Variants in THOC2 observed in about 807,000 individuals in gnomAD.
THOC2 encodes THO complex 2.
In THOC2, 10 loss-of-function variants were observed where a neutral mutation model predicts 128.4. The ratio of observed to expected loss-of-function variants is 0.08; its 90% CI spans 0.05 to 0.13. THOC2 has a LOEUF of 0.13. Among genes scored for constraint, THOC2 ranks in the 10% least tolerant of loss-of-function variants. THOC2 has a pLI of 1.00. For missense variants in THOC2, 535 were observed against 1,155.7 expected (o/e 0.46, Z 7.79); for synonymous variants, 393 against 396.9 (o/e 0.99, Z 0.12).
chrX:123,643,571 T>C (rs769018615), intron 15 of THOC2, among the ~76,000 whole-genome samples: 1 of 110,996 alleles, frequency 9.0e-6, no homozygotes, highest in East Asian at 2.8e-4. Context: ...GGAGAACTCT[T>C]AAGTCCAGAA....
intron 17 of THOC2, among the ~76,000 whole-genome samples, 165 bp downstream of exon 17, chrX:123,638,765 CACAT>C (rs1304246225): frequency 2.9e-5 from 3 of 105,069 alleles, no homozygotes; most frequent in African/African-American, 1.1e-4. Context: ...CTCTCTCTCT[CACAT>C]ACACACACAC....
Position 123,620,741 on chromosome X carries a change from GA to G in THOC2, c.4275+165del, listed in dbSNP as rs944674392. The G allele has an allele frequency of 2.9e-5, 12 of 415,278 alleles. 1 individual carries two copies. Among genetic ancestry groups the G allele is most frequent in the African/African-American group, 1.3e-4 (5 of 39,256 alleles). 34.2% of individuals were successfully genotyped at this position (415,278 alleles called of 1,213,427 possible). On this transcript the variant is annotated intron_variant, in intron 32 of 38. Coordinates refer to ENST00000245838, the MANE Select transcript of THOC2 (RefSeq NM_001081550.2). ...TTTTTATAATAAAAATACTCAATAG[GA>G]AAAAAAATCAGTCCACCAATATAGA... is the stretch of plus-strand genomic sequence containing the variant.
intron 23 of THOC2, among the ~76,000 whole-genome samples, 169 bp downstream of exon 23, chrX:123,627,524 C>T (rs2047312220): frequency 9.0e-6 from 1 of 111,619 alleles, no homozygotes; most frequent in Admixed American, 9.5e-5. Context: ...ACCTAGTCAC[C>T]AAACTCCTGG....
chrX:123,633,894 T>C (rs1361087164), intron 20 of THOC2, 59 bp downstream of exon 20: 2 of 710,577 alleles, frequency 2.8e-6, no homozygotes, highest in Non-Finnish European at 4.3e-6. Flanking sequence ...GATTCTTTAC[T>C]ATGACCGTGC....
chrX:123,660,947 G>GGT (rs1382825100), intron 12 of THOC2, among the ~76,000 whole-genome samples: 1 of 111,286 alleles, frequency 9.0e-6, no homozygotes, highest in African/African-American at 3.3e-5. Flanking sequence ...AAGAAAATGT[G>GGT]GTGTATATAT....
intron 12 of THOC2, among the ~76,000 whole-genome samples, chrX:123,649,398 C>T (rs2048266845): frequency 9.0e-6 from 1 of 111,279 alleles, no homozygotes. Context: ...TGCCTCCCCT[C>T]CTCCAAAGGA....
intron 6 of THOC2, 45 bp from the exon 7 acceptor site, chrX:123,696,199 T>C (rs1341518974): frequency 1.0e-6 from 1 of 954,428 alleles, no homozygotes. Flanking sequence ...TTAATTTTAA[T>C]TAACAAGCTT....
At chrX:123,660,952 A>AT (rs774871620) in intron 12 of THOC2, among the ~76,000 whole-genome samples, 2 of 112,144 alleles carry the variant, frequency 1.8e-5, no homozygotes, top group African/African-American at 6.5e-5. Flanking sequence ...AATGTGGTGT[A>AT]TATATATATA....
At chrX:123,684,803 T>C (rs2049938934) in intron 8 of THOC2, among the ~76,000 whole-genome samples, 1 of 112,427 alleles carries the variant, frequency 8.9e-6, no homozygotes, top group Admixed American at 9.4e-5. Flanking sequence ...TTCTCTTCTG[T>C]CTGCTGGAGC....
chrX:123,684,035 G>A (rs1384452584), intron 8 of THOC2, among the ~76,000 whole-genome samples: 4 of 109,132 alleles, frequency 3.7e-5, no homozygotes, highest in Admixed American at 9.8e-5. Context: ...AAAAATGGTC[G>A]TTGTCTACAA....
rs975050910 is a variant in THOC2, at chrX:123,696,665, T to C, written c.467+56A>G. ...TTAGAAGCTACTAGGATTCAAAATA[T>C]GAACGAAAAAACATACTCAGATACT... On this transcript the variant is annotated intron_variant, in intron 6 of 38. Coordinates refer to ENST00000245838, the MANE Select transcript of THOC2 (RefSeq NM_001081550.2). The C allele has an allele frequency of 2.4e-5, 27 of 1,122,318 alleles. No individual in the cohort carries two copies. In the African/African-American group the frequency reaches 3.2e-4, roughly 13 times the overall value. The allele number at this position is 1,122,318 out of a possible 1,213,427, so 92.5% of individuals were successfully genotyped here. A position where few individuals can be genotyped will look rare whatever the true frequency, so the allele number is the denominator to read the frequency against.
chrX:123,722,000 G>A (rs1223528939), intron 1 of THOC2, among the ~76,000 whole-genome samples: 1 of 111,804 alleles, frequency 8.9e-6, no homozygotes, highest in Non-Finnish European at 1.9e-5. Flanking sequence ...AGCAAACTAT[G>A]GTTTTTAAGA....
chrX:123,607,740 C>T (rs1049086407), intron 38 of THOC2, among the ~76,000 whole-genome samples: 17 of 110,649 alleles, frequency 1.5e-4, no homozygotes, highest in African/African-American at 4.6e-4. Flanking sequence ...CAAGTAACGA[C>T]ATCTTTCAAT....
chrX:123,630,419 C>A (rs947778758), intron 22 of THOC2, among the ~76,000 whole-genome samples: 1 of 109,621 alleles, frequency 9.1e-6, no homozygotes. Context: ...TTGAGACCAG[C>A]CTGGCCAACA....
intron 1 of THOC2, among the ~76,000 whole-genome samples, chrX:123,714,171 T>A (rs1348564980): frequency 8.9e-6 from 1 of 112,061 alleles, no homozygotes; most frequent in Non-Finnish European, 1.9e-5. Flanking sequence ...AAAATGGCAA[T>A]AGTAAGTCCT....
At chrX:123,633,210 T>C (rs1316586569) in intron 20 of THOC2, among the ~76,000 whole-genome samples, 170 bp from the exon 21 acceptor site, 3 of 111,940 alleles carry the variant, frequency 2.7e-5, no homozygotes, top group African/African-American at 3.3e-5. Context: ...CTACAGTCAC[T>C]GGCTTAAAGA....
intron 25 of THOC2, among the ~76,000 whole-genome samples, chrX:123,625,089 TG>T (rs2047216344): frequency 1.8e-5 from 2 of 110,490 alleles, no homozygotes; most frequent in Admixed American, 1.9e-4. Flanking sequence ...TTATGTTTTT[TG>T]TTTTGTTTTG....
intron 1 of THOC2, among the ~76,000 whole-genome samples, chrX:123,728,757 T>G (rs894284144): frequency 7.1e-5 from 8 of 112,374 alleles, no homozygotes; most frequent in African/African-American, 2.6e-4. Flanking sequence ...AATTAAATTT[T>G]AAAACTTTAT....
In THOC2 at chrX:123,665,594, G is replaced by C. The variant is rs1370648537; in HGVS notation, c.1386+48C>G. 1.3e-5 allele frequency: 12 copies of C among 892,779 alleles called. No homozygotes were observed. The African/African-American group carries it at 2.0e-4, about 15-fold the overall frequency. 73.6% of individuals were successfully genotyped at this position (892,779 alleles called of 1,213,427 possible). A position where few individuals can be genotyped will look rare whatever the true frequency, so the allele number is the denominator to read the frequency against. ...GATACTCATAACACAAGTATACTCA[G>C]AATATTTTCATTTCAAAATTTAGGT... is the stretch of plus-strand genomic sequence containing the variant. On this transcript the variant is annotated intron_variant, in intron 12 of 38. Coordinates refer to ENST00000245838, the MANE Select transcript of THOC2 (RefSeq NM_001081550.2).
Sources: gnomAD v4.1 joint callset for allele counts (sites outside exome capture counted in the v4.1 genomes callset) on GRCh38, gnomAD v4.1.1 for gene constraint, MANE v1.5 for transcripts, NCBI Gene and HGNC (gene_info 2026-07-23, HGNC 2026-07-21) for gene names.